Variants in NFIX observed in about 807,000 individuals in gnomAD.
NFIX encodes nuclear factor 1 X-type.
A neutral mutation model predicts 53.3 loss-of-function variants in NFIX; 2 were observed. That is an observed-to-expected ratio of 0.04 (90% CI 0.02 to 0.12). NFIX has a LOEUF of 0.12. Among genes scored for constraint, NFIX ranks in the 10% least tolerant of loss-of-function variants. The probability of loss-of-function intolerance (pLI) is 1.00; values close to 1 mark genes in which losing one functional copy is unlikely to be tolerated. For missense variants in NFIX, 310 were observed against 674.5 expected (o/e 0.46, Z 5.99); for synonymous variants, 244 against 289.0 (o/e 0.84, Z 1.58).
rs185474672 is a variant in NFIX at position 13,010,127 on chromosome 19, G to C, written c.27+14263G>C. 2.8e-3 allele frequency among the ~76,000 whole-genome samples: 425 copies of C among 152,272 alleles called. 11 individuals carry two copies. The highest frequency in any genetic ancestry group is 0.027 in the Admixed American group (406 of 15,310). On this transcript the variant is annotated intron_variant, in intron 1 of 10. Transcript: ENST00000592199. ...TGTTCCTCCCCCGCCTGCTCCTGGGGCTTCCCCCATTGGAGTTGCCTCGGC... is the reference window on the plus strand; with the variant it reads ...TGTTCCTCCCCCGCCTGCTCCTGGGCCTTCCCCCATTGGAGTTGCCTCGGC...
At position 13,090,520 on chromosome 19, in the gene NFIX, G is replaced by A. The variant is rs956488696; in HGVS notation, c.1494+130G>A. Reference sequence around the variant, plus strand: ...GGAGAGAGAGGTCTGAGGTGGGGCTGGAGGGCCCAGGCTTTTGCACGCCCA... The same window carrying A: ...GGAGAGAGAGGTCTGAGGTGGGGCTAGAGGGCCCAGGCTTTTGCACGCCCA... On this transcript the variant is annotated intron_variant, in intron 10 of 10. Transcript: ENST00000592199. This position sits in a 1 kb window ranked among gnomAD's most constrained non-coding sequence, Gnocchi z 6.6. 3.4e-6 allele frequency: 3 copies of A among 882,666 alleles called. No individual in the cohort carries two copies. In the African/African-American group the frequency reaches 5.0e-5, roughly 15 times the overall value. 54.7% of individuals were successfully genotyped at this position (882,666 alleles called of 1,614,324 possible).
Position 13,078,755 on chromosome 19 carries a change from G to A in NFIX, c.1078+20G>A, listed in dbSNP as rs202139307. On this transcript the variant is annotated intron_variant, in intron 7 of 10. Coordinates refer to ENST00000592199, the MANE Select transcript of NFIX (RefSeq NM_001365902.3). The surrounding 1 kb of genome is among the most constrained non-coding windows in gnomAD (Gnocchi z 4.7). Reference sequence around the variant, plus strand: ...GACCAGGTGAGAAATGGGGGGCCCCGGAGGGGGGCAGTTGGGGAGGTGGCT... The same window carrying A: ...GACCAGGTGAGAAATGGGGGGCCCCAGAGGGGGGCAGTTGGGGAGGTGGCT... 2.7e-4 allele frequency: 428 copies of A among 1,592,220 alleles called. No homozygotes were observed. Among genetic ancestry groups the A allele is most frequent in the African/African-American group, 1.8e-3 (131 of 74,686 alleles).
At position 13,067,481 on chromosome 19, in the gene NFIX, T is replaced by TGTGC. The variant is rs942928109; in HGVS notation, c.560-5565_560-5564insTGCG. ...GTGCGCGCGTGTGTGTGTGTGTGTG[T>TGTGC]GCGTGTGTGTGTGTGTGTGTGTGTA... is the stretch of plus-strand genomic sequence containing the variant. On this transcript the variant is annotated intron_variant, in intron 2 of 10. Transcript: ENST00000592199. This position sits in a 1 kb window ranked among gnomAD's most constrained non-coding sequence, Gnocchi z 4.2. Among the ~76,000 whole-genome samples the TGTGC allele has an allele frequency of 4.4e-5, 4 of 91,906 alleles. No homozygotes were observed. The highest frequency in any genetic ancestry group is 1.9e-4 in the African/African-American group (3 of 15,526). The allele number at this position is 91,906 out of a possible 152,430, so 60.3% of individuals were successfully genotyped here. A position where few individuals can be genotyped will look rare whatever the true frequency, so the allele number is the denominator to read the frequency against.
chr19:13,025,125 T>G lies in NFIX; in HGVS notation c.132T>G (p.His44Gln), dbSNP rs753736723. 6.2e-7 allele frequency: 1 copy of G among 1,614,116 alleles called. No homozygotes were observed. ...GGAAGCGCAAGTACTTCAAGAAGCA[T>G]GAAAAGCGGATGTCGAAGGACGAGG... Reference protein sequence around the residue: ...QARKRKYFKKHEKRMSKDEER... With the variant: ...QARKRKYFKKQEKRMSKDEER... Residue 44 changes from histidine to glutamine, a missense_variant, in exon 2 of 11, where the codon CAT (histidine) becomes CAG (glutamine). Around this residue, in one of 5 missense-constraint regions of NFIX, gnomAD observed 64 missense variants for 144.5 expected, o/e 0.44. Coordinates refer to ENST00000592199, the MANE Select transcript of NFIX (RefSeq NM_001365902.3). The surrounding 1 kb of genome is among the most constrained non-coding windows in gnomAD (Gnocchi z 7.5).
At chr19:12,997,151 T>A (rs2011499119) in intron 1 of NFIX, among the ~76,000 whole-genome samples, 1 of 152,254 alleles carries the variant, frequency 6.6e-6, no homozygotes, top group Non-Finnish European at 1.5e-5. Context: ...GCAGTCCACA[T>A]GGGTATGGCT....
At chr19:13,034,037 G>C (rs1030406194) in intron 2 of NFIX, among the ~76,000 whole-genome samples, 11 of 152,212 alleles carry the variant, frequency 7.2e-5, no homozygotes, top group Non-Finnish European at 1.0e-4. Context: ...CTGGTCACAT[G>C]ATGAGTTTCT....
intron 1 of NFIX, among the ~76,000 whole-genome samples, chr19:13,007,095 C>T (rs2012059821): frequency 6.6e-6 from 1 of 152,168 alleles, no homozygotes; most frequent in African/African-American, 2.4e-5. Flanking sequence ...GCCTGGCTTC[C>T]ATCTTCCCGG....
In NFIX at chr19:13,068,584, C is replaced by T. The variant is rs572700706; in HGVS notation, c.560-4463C>T. ...TGGGCACTGCCAGAGGCCTCCAGCC[C>T]ACAAGCTGTTGTTGCTGTGGAATGA... On this transcript the variant is annotated intron_variant, in intron 2 of 10. Transcript: ENST00000592199. This position sits in a 1 kb window ranked among gnomAD's most constrained non-coding sequence, Gnocchi z 4.2. 1.8e-3 allele frequency among the ~76,000 whole-genome samples: 274 copies of T among 152,340 alleles called. 2 individuals carry two copies. The highest frequency in any genetic ancestry group is 6.5e-3 in the African/African-American group (269 of 41,578).
Position 13,088,533 on chromosome 19 carries a change from T to G in NFIX, c.1402+397T>G, listed in dbSNP as rs2017935683. ...TTGTTTTTGTTTTTTAATTTTTTTG[T>G]TGTTTCGTTGTTCCCCCCACACCAA... On this transcript the variant is annotated intron_variant, in intron 9 of 10. Coordinates refer to ENST00000592199, the MANE Select transcript of NFIX (RefSeq NM_001365902.3). The surrounding 1 kb of genome is among the most constrained non-coding windows in gnomAD (Gnocchi z 5.9). Among the ~76,000 whole-genome samples, 1 of 151,798 alleles carries G rather than the reference T, an allele frequency of 6.6e-6. No homozygotes were observed. Among genetic ancestry groups the G allele is most frequent in the Admixed American group, 6.6e-5 (1 of 15,260 alleles).
chr19:13,042,462 C>T (rs1488103696), intron 2 of NFIX, among the ~76,000 whole-genome samples: 2 of 138,610 alleles, frequency 1.4e-5, no homozygotes, highest in African/African-American at 5.5e-5. Context: ...TCAAGCAATT[C>T]TCATGCCTCA....
chr19:13,005,966 C>T lies in NFIX; in HGVS notation c.27+10102C>T, dbSNP rs1269983427. 6.6e-6 allele frequency among the ~76,000 whole-genome samples: 1 copy of T among 152,210 alleles called. No individual in the cohort carries two copies. Among genetic ancestry groups the T allele is most frequent in the Non-Finnish European group, 1.5e-5 (1 of 68,034 alleles). On this transcript the variant is annotated intron_variant, in intron 1 of 10. Coordinates refer to ENST00000592199, the MANE Select transcript of NFIX (RefSeq NM_001365902.3). The surrounding 1 kb of genome is among the most constrained non-coding windows in gnomAD (Gnocchi z 4.7). ...AGCCGGAGCTCAAATGCTGGGGGTG[C>T]AGCCGGGAGCCTGTGCATTCCTTCG...
At position 13,098,268 on chromosome 19, in the gene NFIX, C is replaced by G. The variant is rs2018584676; in HGVS notation, c.*3619C>G. 7.4e-6 allele frequency: 1 copy of G among 134,648 alleles called. No homozygotes were observed. The highest frequency in any genetic ancestry group is 7.2e-5 in the Admixed American group (1 of 13,864). The allele number at this position is 134,648 out of a possible 1,614,324, so 8.3% of individuals were successfully genotyped here. ...CACCCCAGCCCCGCCTCTGCTCCCC[C>G]CCACCCCACCCACCCTCGGGGCGCC... On this transcript the variant is annotated 3_prime_UTR_variant, in exon 11 of 11. Transcript: ENST00000592199.
At position 13,078,985 on chromosome 19, in the gene NFIX, T is replaced by G. The variant is rs1163724583; in HGVS notation, c.1078+250T>G. 6.6e-6 allele frequency among the ~76,000 whole-genome samples: 1 copy of G among 152,170 alleles called. No homozygotes were observed. Among genetic ancestry groups the G allele is most frequent in the African/African-American group, 2.4e-5 (1 of 41,448 alleles). The stretch of plus-strand genomic sequence containing the variant: ...AACCTCCCACTTCTCACTCCTCACG[T>G]GCATGGGTGCTACATACAACACAAG... On this transcript the variant is annotated intron_variant, in intron 7 of 10. Transcript: ENST00000592199. This position sits in a 1 kb window ranked among gnomAD's most constrained non-coding sequence, Gnocchi z 4.7.
chr19:13,024,572 C>T (rs993937134), intron 1 of NFIX: 2 of 1,535,336 alleles, frequency 1.3e-6, no homozygotes, highest in African/African-American at 1.4e-5. Context: ...CGTCCACGGG[C>T]GTCTGTGCAG....
rs1314545492 is a variant in NFIX at position 13,080,910 on chromosome 19, G to C, written c.1079-770G>C. Among the ~76,000 whole-genome samples the C allele has an allele frequency of 3.3e-5, 5 of 152,202 alleles. No homozygotes were observed. The East Asian group carries it at 9.7e-4, about 29-fold the overall frequency. On this transcript the variant is annotated intron_variant, in intron 7 of 10. Coordinates refer to ENST00000592199, the MANE Select transcript of NFIX (RefSeq NM_001365902.3). ...AGCTACTCGGGAGGCTGAGGCAGGA[G>C]AATGGCGTGAACCCGGGAGGCAGAG...
intron 1 of NFIX, among the ~76,000 whole-genome samples, chr19:13,016,826 C>T (rs781640055): frequency 1.3e-5 from 2 of 152,138 alleles, no homozygotes; most frequent in East Asian, 1.9e-4. Flanking sequence ...CAGCCCTTGC[C>T]GGGCTCCTTC....
chr19:13,055,745 G>A (rs2015636363), intron 2 of NFIX, among the ~76,000 whole-genome samples: 1 of 152,170 alleles, frequency 6.6e-6, no homozygotes, highest in African/African-American at 2.4e-5. Context: ...AGGCTCGGCT[G>A]GCCCCAGGTT....
intron 8 of NFIX, 151 bp downstream of exon 8, chr19:13,082,006 C>T (rs2017499808): frequency 2.4e-6 from 2 of 823,342 alleles, no homozygotes; most frequent in African/African-American, 1.7e-5. Flanking sequence ...CCTCGATTTT[C>T]TGGGTCTGGG....
In NFIX at chr19:13,021,654, T is replaced by C. The variant is rs922253502; in HGVS notation, c.28-3367T>C. 2.6e-5 allele frequency among the ~76,000 whole-genome samples: 4 copies of C among 152,224 alleles called. No homozygotes were observed. The highest frequency in any genetic ancestry group is 2.9e-5 in the Non-Finnish European group (2 of 68,036). The stretch of plus-strand genomic sequence containing the variant: ...CTGTCTGCAGCCACATCCTTCTTCC[T>C]CTGCTTTTCCTTTTATGTCATATCT... On this transcript the variant is annotated intron_variant, in intron 1 of 10. Coordinates refer to ENST00000592199, the MANE Select transcript of NFIX (RefSeq NM_001365902.3). This position sits in a 1 kb window ranked among gnomAD's most constrained non-coding sequence, Gnocchi z 4.2.
Sources: allele counts gnomAD v4.1 joint callset (sites outside exome capture counted in the v4.1 genomes callset), GRCh38; gene constraint gnomAD v4.1.1; regional missense constraint gnomAD v4.1.1; non-coding constraint Gnocchi (gnomAD v3.1); transcripts MANE v1.5; gene names NCBI Gene and HGNC (gene_info 2026-07-23, HGNC 2026-07-21).